The following ACSS2 variants were observed in gnomAD, a reference collection of about 807,000 sequenced individuals.
The protein encoded by ACSS2 is acyl-CoA synthetase short chain family member 2, also known as acetyl-coenzyme A synthetase, cytoplasmic.
A neutral mutation model predicts 90.6 loss-of-function variants in ACSS2; 58 were observed. The ratio of observed to expected loss-of-function variants is 0.64; its 90% CI spans 0.52 to 0.80. The LOEUF is 0.80. Among genes scored for constraint, ACSS2 ranks in the 30% least tolerant of loss-of-function variants. The pLI is 0.00. For missense variants in ACSS2, 759 were observed against 912.0 expected (o/e 0.83, Z 2.16); for synonymous variants, 300 against 330.9 (o/e 0.91, Z 1.01).
rs185281896 is a variant in ACSS2, at chr20:34,913,680, G to T, written c.571-73G>T. The T allele has an allele frequency of 3.4e-5, 50 of 1,456,236 alleles. No homozygotes were observed. In the East Asian group the frequency reaches 5.4e-4, roughly 16 times the overall value. 90.2% of individuals were successfully genotyped at this position (1,456,236 alleles called of 1,614,324 possible). ...GGCTTAGAGATCCTGAAAGTTCCAT[G>T]AGCAACCCCTTTCTTCATTCACTCA... On this transcript the variant is annotated intron_variant, in intron 4 of 17. Transcript: ENST00000360596.
At chr20:34,886,590 C>T (rs1601291739) in intron 2 of ACSS2, among the ~76,000 whole-genome samples, 1 of 152,112 alleles carries the variant, frequency 6.6e-6, no homozygotes, top group African/African-American at 2.4e-5. Flanking sequence ...CACCACTGCC[C>T]TCCAGCCTGG....
chr20:34,925,298 G>A (rs1034036213), intron 14 of ACSS2, among the ~76,000 whole-genome samples: 17 of 152,096 alleles, frequency 1.1e-4, no homozygotes, highest in Admixed American at 2.0e-4. Context: ...ATGCTTACTC[G>A]CATGGTTGTT....
chr20:34,887,712 C>T (rs899174558), intron 2 of ACSS2, among the ~76,000 whole-genome samples: 2 of 145,164 alleles, frequency 1.4e-5, no homozygotes, highest in African/African-American at 2.6e-5. Flanking sequence ...TTGCACTCCA[C>T]CCTGGGCGAC....
At chr20:34,917,520 A>G (rs564281568) in intron 7 of ACSS2, among the ~76,000 whole-genome samples, 2 of 152,328 alleles carry the variant, frequency 1.3e-5, no homozygotes, top group African/African-American at 4.8e-5. Context: ...CAAGCTATAT[A>G]TCTAACACTC....
chr20:34,898,480 G>A, intron 2 of ACSS2, among the ~76,000 whole-genome samples: 1 of 152,096 alleles, frequency 6.6e-6, no homozygotes, highest in East Asian at 1.9e-4. Context: ...CACAAACCCT[G>A]AGCTAGACAC....
chr20:34,882,785 C>G lies in ACSS2; in HGVS notation c.179-9C>G. 1 of 1,610,830 alleles carries G rather than the reference C, an allele frequency of 6.2e-7. No individual in the cohort carries two copies. The highest frequency in any genetic ancestry group is 8.5e-7 in the Non-Finnish European group (1 of 1,179,040). On this transcript the variant is annotated splice_polypyrimidine_tract_variant and intron_variant, in intron 1 of 17. Coordinates refer to ENST00000360596, the MANE Select transcript of ACSS2 (RefSeq NM_018677.4). ...ATTAATGATATCTGGGCTTCCATTT[C>G]TGTTGCAGAATTCTGGGGAGACATT... is the stretch of plus-strand genomic sequence containing the variant.
intron 2 of ACSS2, among the ~76,000 whole-genome samples, chr20:34,886,064 GT>G (rs1294564237): frequency 2.6e-5 from 4 of 152,110 alleles, no homozygotes; most frequent in Non-Finnish European, 5.9e-5. Context: ...TGCCGGATAT[GT>G]GGTTACATCC....
At chr20:34,913,316 G>C (rs767072404) in intron 3 of ACSS2, 77 bp from the exon 4 acceptor site, 35 of 1,542,206 alleles carry the variant, frequency 2.3e-5, no homozygotes, top group Non-Finnish European at 3.1e-5. Flanking sequence ...TCAGCTGGGA[G>C]GGAGGCCAGC....
At chr20:34,910,736 A>T (rs1314136831) in intron 2 of ACSS2, among the ~76,000 whole-genome samples, 1 of 152,224 alleles carries the variant, frequency 6.6e-6, no homozygotes, top group Non-Finnish European at 1.5e-5. Context: ...AACACTTCTC[A>T]TTATGTATCT....
At chr20:34,879,692 A>G (rs1331804290) in intron 1 of ACSS2, among the ~76,000 whole-genome samples, 1 of 152,218 alleles carries the variant, frequency 6.6e-6, no homozygotes, top group Non-Finnish European at 1.5e-5. Flanking sequence ...AGATTGTGCC[A>G]CTGCACTCCA....
chr20:34,883,089 C>T (rs2080105613), intron 2 of ACSS2, 100 bp downstream of exon 2: 1 of 852,022 alleles, frequency 1.2e-6, no homozygotes, highest in Non-Finnish European at 1.8e-6. Flanking sequence ...CTTAATGCCT[C>T]AGGTGAGGAA....
chr20:34,876,772 T>A lies in ACSS2; in HGVS notation c.127T>A (p.Ser43Thr). The A allele has an allele frequency of 7.1e-7, 1 of 1,407,280 alleles. No homozygotes were observed. Among genetic ancestry groups the A allele is most frequent in the Admixed American group, 3.0e-5 (1 of 33,664 alleles). The allele number at this position is 1,407,280 out of a possible 1,614,324, so 87.2% of individuals were successfully genotyped here. Residue 43 changes from serine to threonine, a missense_variant, in exon 1 of 18, where the codon TCG (serine) becomes ACG (threonine). Ser to Thr is a moderately conservative substitution (Grantham distance 58, BLOSUM62 1). Coordinates refer to ENST00000360596, the MANE Select transcript of ACSS2 (RefSeq NM_018677.4). ...PEVSRSAHVP[S>T]LQRYRELHRR... The stretch of plus-strand genomic sequence containing the variant: ...GGTCAGCCGCTCCGCGCACGTCCCC[T>A]CGCTGCAGCGCTACCGCGAGCTGCA...
At chr20:34,924,514 A>G (rs1350952692) in intron 14 of ACSS2, among the ~76,000 whole-genome samples, 1 of 152,128 alleles carries the variant, frequency 6.6e-6, no homozygotes, top group Admixed American at 6.5e-5. Flanking sequence ...GTGCAGAGGG[A>G]CACAGCTTGA....
rs371238578 is a variant in ACSS2 at position 34,920,702 on chromosome 20, G to A, written c.1136G>A (p.Ser379Asn). The A allele has an allele frequency of 1.5e-5, 24 of 1,610,798 alleles. No homozygotes were observed. The highest frequency in any genetic ancestry group is 2.0e-5 in the Non-Finnish European group (24 of 1,178,246). Residue 379 changes from serine to asparagine, a missense_variant, in exon 9 of 18, where the codon AGT becomes AAT. Transcript: ENST00000360596. ...TYGPLANGAT[S>N]VLFEGIPTYP... ...GGGCCACTGGCCAATGGTGCCACCA[G>A]TGTTTTGGTGAGAAGGGAGCCACCT... is the stretch of plus-strand genomic sequence containing the variant.
chr20:34,906,162 C>T (rs535027637), intron 2 of ACSS2, among the ~76,000 whole-genome samples: 6 of 152,044 alleles, frequency 3.9e-5, no homozygotes, highest in African/African-American at 7.2e-5. Flanking sequence ...GGTGAAACCC[C>T]GTCTCTACTA....
chr20:34,877,782 G>A (rs1218090299), intron 1 of ACSS2, among the ~76,000 whole-genome samples: 1 of 131,234 alleles, frequency 7.6e-6, no homozygotes, highest in African/African-American at 3.0e-5. Flanking sequence ...TAGCACCACT[G>A]CACTCCAGCC....
At chr20:34,876,561 G>C (rs115698831), upstream of ACSS2, 1 of 1,277,206 alleles carries the variant, frequency 7.8e-7, no homozygotes, top group African/African-American at 1.5e-5. Context: ...CTCTACGGAG[G>C]CCCCGCCTCT....
intron 1 of ACSS2, among the ~76,000 whole-genome samples, chr20:34,877,909 C>CAGATAGATAGATAGAT (rs71196766): frequency 0.21 from 30,360 of 146,474 alleles, 3,299 homozygotes; most frequent in South Asian, 0.28. Flanking sequence ...GATAGATAGA[C>CAGATAGATAGATAGAT]AGATAGATAG....
intron 2 of ACSS2, among the ~76,000 whole-genome samples, chr20:34,891,540 T>G (rs1364864125): frequency 6.6e-6 from 1 of 152,200 alleles, no homozygotes; most frequent in African/African-American, 2.4e-5. Flanking sequence ...GCAAGAATTT[T>G]AGAAGGTTTG....
Sources: gnomAD v4.1 joint callset for allele counts (sites outside exome capture counted in the v4.1 genomes callset) on GRCh38, gnomAD v4.1.1 for gene constraint, MANE v1.5 for transcripts, NCBI Gene and HGNC (gene_info 2026-07-23, HGNC 2026-07-21) for gene names.